The following MEAK7 variants were observed in gnomAD, a reference collection of about 807,000 sequenced individuals.
MEAK7 encodes the protein MTOR-associated protein MEAK7.
A neutral mutation model predicts 40.5 loss-of-function variants in MEAK7; 68 were observed. The observed-to-expected ratio is 1.68, with a 90% CI of 1.38 to 2.06. The LOEUF (loss-of-function observed/expected upper bound fraction) is 2.06, where lower values mean the gene tolerates loss of function less well. MEAK7 is among the 30% of genes most tolerant of loss of function. The pLI, the probability that MEAK7 is intolerant of heterozygous loss-of-function variation, is 0.00. For synonymous variants in MEAK7, 338 were observed against 231.9 expected (o/e 1.46, Z -4.16); for missense variants, 918 against 580.5 (o/e 1.58, Z -5.98).
rs372019637 is a variant in MEAK7, at chr16:84,489,339, T to C, written c.468A>G (p.Pro156=). The C allele has an allele frequency of 3.0e-5, 48 of 1,614,080 alleles. No individual in the cohort carries two copies. Among genetic ancestry groups the C allele is most frequent in the Non-Finnish European group, 3.8e-5 (45 of 1,180,038 alleles). ...GCACCTGCACCCGGGGGTTGGGCCC[T>C]GGGGCTTCCTTCCCAGTCCAGCCTC... ...ELRGWTGKEA[P]GPNPRVQVLA... Residue 156 remains proline, a synonymous_variant, in exon 4 of 8, where the codon CCA becomes CCG. Transcript: ENST00000343629.
At chr16:84,499,925 T>C (rs1242418393) in intron 1 of MEAK7, 1 of 152,288 alleles carries the variant, frequency 6.6e-6, no homozygotes, top group East Asian at 1.9e-4. Flanking sequence ...CAGTCCTAGC[T>C]GCTCCAAAGG....
At position 84,504,418 on chromosome 16, in the gene MEAK7, CCACCCCTCACCTCCCCGCAGCCTT is replaced by C. The variant is rs564317023; in HGVS notation, c.-26+159_-26+182del. On this transcript the variant is annotated intron_variant, in intron 1 of 7. Coordinates refer to ENST00000343629, the MANE Select transcript of MEAK7 (RefSeq NM_020947.4). The stretch of plus-strand genomic sequence containing the variant: ...CTCCCTCCATCCCGCCCCGCTGTCC[CCACCCCTCACCTCCCCGCAGCCTT>C]CACCTCTCCCTCCCCCGACCCGAGG... Among the ~76,000 whole-genome samples, 155 of 152,210 alleles carry C rather than the reference CCACCCCTCACCTCCCCGCAGCCTT, an allele frequency of 1.0e-3. 3 individuals carry two copies. In the East Asian group the frequency reaches 0.027, roughly 26 times the overall value.
chr16:84,498,077 T>C lies in MEAK7; in HGVS notation c.10A>G (p.Ser4Gly). 1 of 1,611,258 alleles carries C rather than the reference T, an allele frequency of 6.2e-7. No individual in the cohort carries two copies. The highest frequency in any genetic ancestry group is 1.1e-5 in the South Asian group (1 of 90,604). Residue 4 changes from serine to glycine, a missense_variant, in exon 2 of 8, where the codon AGC becomes GGC. Coordinates refer to ENST00000343629, the MANE Select transcript of MEAK7 (RefSeq NM_020947.4). ...AAGCTCCGCCCCACACGGCTTCTGC[T>C]GTTCCCCATCTGTCCTGATATCTGG... MGNSRSRVGRSFCS... is the reference protein window; with the variant it reads MGNGRSRVGRSFCS...
chr16:84,503,403 T>A (rs1914654377), intron 1 of MEAK7, among the ~76,000 whole-genome samples: 1 of 152,062 alleles, frequency 6.6e-6, no homozygotes, highest in Non-Finnish European at 1.5e-5. Context: ...GTTTCCTCAG[T>A]CATCTTCCAT....
rs188743275 is a variant in MEAK7, at chr16:84,504,630, C to T, written c.-55G>A. 10 of 985,552 alleles carry T rather than the reference C, an allele frequency of 1.0e-5. No homozygotes were observed. Among genetic ancestry groups the T allele is most frequent in the South Asian group, 4.7e-5 (1 of 21,296 alleles). 61.1% of individuals were successfully genotyped at this position (985,552 alleles called of 1,614,324 possible). On this transcript the variant is annotated 5_prime_UTR_variant, in exon 1 of 8. Transcript: ENST00000343629. ...CCGGGCTTCCTGGTGCTGTCCGGTC[C>T]GGTCCAGCAGCCCACGGGCTCCTCT...
chr16:84,500,258 T>C (rs1205862694), intron 1 of MEAK7, among the ~76,000 whole-genome samples: 1 of 152,210 alleles, frequency 6.6e-6, no homozygotes, highest in African/African-American at 2.4e-5. Context: ...CTATCATGAA[T>C]AGTGCTGCAA....
chr16:84,486,760 G>T lies in MEAK7; in HGVS notation c.829C>A (p.His277Asn), dbSNP rs1156548264. The change falls in exon 5 of 8, where the codon CAC becomes AAC. Residue 277 changes from histidine to asparagine, a missense_variant. Coordinates refer to ENST00000343629, the MANE Select transcript of MEAK7 (RefSeq NM_020947.4). ...TGGCCACAGAGCTGGGAGAAGCTGT[G>T]TCCATGGAGCTCAGACGAAAAGAGC... is the stretch of plus-strand genomic sequence containing the variant. ...CLLFSSELHG[H>N]SFSQLCGHIT... is the part of the protein sequence containing the mutation. The T allele has an allele frequency of 6.2e-7, 1 of 1,613,934 alleles. No homozygotes were observed. The highest frequency in any genetic ancestry group is 8.5e-7 in the Non-Finnish European group (1 of 1,179,914).
At chr16:84,503,231 A>T (rs1266610959) in intron 1 of MEAK7, among the ~76,000 whole-genome samples, 1 of 152,214 alleles carries the variant, frequency 6.6e-6, no homozygotes, top group African/African-American at 2.4e-5. Context: ...ATGTTTTAAG[A>T]AAGCTTATGA....
In MEAK7 at chr16:84,478,819, T is replaced by A. The variant is rs1036253970; in HGVS notation, c.*1094A>T. 1 of 152,186 alleles carries A rather than the reference T, an allele frequency of 6.6e-6. No homozygotes were observed. Among genetic ancestry groups the A allele is most frequent in the Admixed American group, 6.5e-5 (1 of 15,274 alleles). 9.4% of individuals were successfully genotyped at this position (152,186 alleles called of 1,614,324 possible). A position where few individuals can be genotyped will look rare whatever the true frequency, so the allele number is the denominator to read the frequency against. ...TGACTCAGGCACTGGTTCCCAGAGATCTAGAACCCAGGCCAGCACCGAGGC... is the reference window on the plus strand; with the variant it reads ...TGACTCAGGCACTGGTTCCCAGAGAACTAGAACCCAGGCCAGCACCGAGGC... On this transcript the variant is annotated 3_prime_UTR_variant, in exon 8 of 8. Coordinates refer to ENST00000343629, the MANE Select transcript of MEAK7 (RefSeq NM_020947.4).
At chr16:84,482,429 T>TGC (rs1912643908) in intron 6 of MEAK7, among the ~76,000 whole-genome samples, 163 bp downstream of exon 6, 1 of 152,112 alleles carries the variant, frequency 6.6e-6, no homozygotes, top group Non-Finnish European at 1.5e-5. Flanking sequence ...CAGCTGTCAC[T>TGC]GCCCCCAGCA....
chr16:84,499,755 G>A (rs1327068307), intron 1 of MEAK7, among the ~76,000 whole-genome samples: 3 of 152,134 alleles, frequency 2.0e-5, no homozygotes, highest in African/African-American at 7.2e-5. Context: ...GCAATTATAT[G>A]GCCAGGCGTG....
chr16:84,501,134 A>T (rs1444508242), intron 1 of MEAK7, among the ~76,000 whole-genome samples: 2 of 149,410 alleles, frequency 1.3e-5, no homozygotes, highest in Non-Finnish European at 3.0e-5. Flanking sequence ...AAGAGGGGAA[A>T]CAGAGACAAG....
At chr16:84,482,400 T>G (rs1912639942) in intron 6 of MEAK7, among the ~76,000 whole-genome samples, 192 bp downstream of exon 6, 1 of 152,020 alleles carries the variant, frequency 6.6e-6, no homozygotes, top group Non-Finnish European at 1.5e-5. Context: ...CACATCCTTC[T>G]CTAAGGGAAA....
chr16:84,478,767 C>G lies in MEAK7; in HGVS notation c.*1146G>C, dbSNP rs569773194. 2 of 152,414 alleles carry G rather than the reference C, an allele frequency of 1.3e-5. No homozygotes were observed. Among genetic ancestry groups the G allele is most frequent in the East Asian group, 3.9e-4 (2 of 5,184 alleles). The allele number at this position is 152,414 out of a possible 1,614,324, so 9.4% of individuals were successfully genotyped here. A position where few individuals can be genotyped will look rare whatever the true frequency, so the allele number is the denominator to read the frequency against. ...CCCATCATCCCCCTCGGGAGCAGCC[C>G]TGGGCAAATGGCTGCACTGACAGCT... On this transcript the variant is annotated 3_prime_UTR_variant, in exon 8 of 8. Transcript: ENST00000343629.
chr16:84,491,350 C>G (rs1229766549), intron 3 of MEAK7, among the ~76,000 whole-genome samples: 1 of 151,858 alleles, frequency 6.6e-6, no homozygotes, highest in Non-Finnish European at 1.5e-5. Flanking sequence ...CCAGCCTGGC[C>G]AACATGATGA....
chr16:84,480,865 T>A (rs1262674229), intron 6 of MEAK7, among the ~76,000 whole-genome samples, 157 bp from the exon 7 acceptor site: 1 of 152,178 alleles, frequency 6.6e-6, no homozygotes, highest in African/African-American at 2.4e-5. Flanking sequence ...CTGTGAAATA[T>A]ATCAATTACT....
rs1912314692 is a variant in MEAK7, at chr16:84,479,480, AATTCCCT to A, written c.*426_*432del. The stretch of plus-strand genomic sequence containing the variant: ...CAGCGGAATTCCCTAATGCCAGCGG[AATTCCCT>A]AATGCCAGCGGAATTCCCTAATGCC... On this transcript the variant is annotated 3_prime_UTR_variant, in exon 8 of 8. Transcript: ENST00000343629. The A allele has an allele frequency of 8.2e-6, 1 of 122,448 alleles. No homozygotes were observed. Among genetic ancestry groups the A allele is most frequent in the Non-Finnish European group, 1.7e-5 (1 of 59,498 alleles). The allele number at this position is 122,448 out of a possible 1,614,324, so 7.6% of individuals were successfully genotyped here. A position where few individuals can be genotyped will look rare whatever the true frequency, so the allele number is the denominator to read the frequency against.
Position 84,487,041 on chromosome 16 carries a change from C to A in MEAK7, c.548G>T (p.Gly183Val). Residue 183 changes from glycine (G) to valine (V), a missense_variant, in exon 5 of 8, where the codon GGG becomes GTG. Gly to Val is a moderately radical substitution (Grantham distance 109). Transcript: ENST00000343629. ...MKLQDGKRLL[G>V]PQWLDYDCDR... The stretch of plus-strand genomic sequence containing the variant: ...ACAGTCATAGTCCAGCCACTGGGGC[C>A]CCAGAAGTCTCTTGCCATCTAGGGG... 3 of 1,612,044 alleles carry A rather than the reference C, an allele frequency of 1.9e-6. No individual in the cohort carries two copies. Among genetic ancestry groups the A allele is most frequent in the South Asian group, 2.2e-5 (2 of 90,692 alleles).
intron 5 of MEAK7, among the ~76,000 whole-genome samples, chr16:84,485,533 C>T (rs569690011): frequency 5.3e-5 from 8 of 152,262 alleles, no homozygotes; most frequent in East Asian, 1.9e-4. Context: ...CAGGATGTAC[C>T]GGGGAATGCC....
Sources: gnomAD v4.1 joint callset for allele counts (sites outside exome capture counted in the v4.1 genomes callset) on GRCh38, gnomAD v4.1.1 for gene constraint, MANE v1.5 for transcripts, NCBI Gene and HGNC (gene_info 2026-07-23, HGNC 2026-07-21) for gene names.